Variants in SNX29 observed in about 807,000 individuals in gnomAD.
The protein encoded by SNX29 is sorting nexin 29.
Under a neutral mutation model 102.1 loss-of-function variants are expected in SNX29, and 78 were observed. The ratio of observed to expected loss-of-function variants is 0.76; its 90% confidence interval spans 0.64 to 0.92. The LOEUF (loss-of-function observed/expected upper bound fraction) is 0.92. Among genes scored for constraint, SNX29 ranks in the 40% least tolerant of loss-of-function variants. SNX29 has a pLI of 0.00. For missense variants in SNX29, 1,280 were observed against 1,061.7 expected (o/e 1.21, Z -2.86); for synonymous variants, 580 against 414.5 (o/e 1.40, Z -4.85).
At chr16:12,455,330 C>T (rs1261259220) in intron 18 of SNX29, among the ~76,000 whole-genome samples, 1 of 152,188 alleles carries the variant, frequency 6.6e-6, no homozygotes, top group Non-Finnish European at 1.5e-5. Flanking sequence ...GGGTCTACCC[C>T]ATCAAGGACT....
intron 18 of SNX29, among the ~76,000 whole-genome samples, chr16:12,477,166 T>G (rs2087693134): frequency 1.3e-5 from 2 of 152,198 alleles, no homozygotes; most frequent in Non-Finnish European, 2.9e-5. Flanking sequence ...CCAGTTATGC[T>G]TATCCCATCT....
rs1215162395 is a variant in SNX29, at chr16:12,130,498, AG to A, written c.1595+741del. 9.3e-5 allele frequency among the ~76,000 whole-genome samples: 14 copies of A among 150,702 alleles called. No individual in the cohort carries two copies. The East Asian group carries it at 1.6e-3, about 17-fold the overall frequency. On this transcript the variant is annotated intron_variant, in intron 13 of 20. Coordinates refer to ENST00000566228, the MANE Select transcript of SNX29 (RefSeq NM_032167.5). ...TCAAAAAAAAAAAAAAAAAAAAAAA[AG>A]ATAGCGACTAAAGCAAAAAAAGTGT...
Position 12,058,812 on chromosome 16 carries a change from T to G in SNX29, c.1125-2716T>G, listed in dbSNP as rs1479467851. Among the ~76,000 whole-genome samples the G allele has an allele frequency of 9.5e-4, 139 of 146,040 alleles. 1 individual carries two copies. Among genetic ancestry groups the G allele is most frequent in the South Asian group, 1.6e-3 (7 of 4,270 alleles). On this transcript the variant is annotated intron_variant, in intron 8 of 20. Transcript: ENST00000566228. ...CCCGGCCTGGGTTTTTTTTTTTTTT[T>G]TTTTTTTTTTTTCTCTGTGGCCCAG...
rs567101992 is a variant in SNX29, at chr16:12,572,895, C to G, written c.*4266C>G. On this transcript the variant is annotated 3_prime_UTR_variant, in exon 21 of 21. Coordinates refer to ENST00000566228, the MANE Select transcript of SNX29 (RefSeq NM_032167.5). Reference sequence around the variant, plus strand: ...TTGTCTTGACTCTGCCTTGGCATTTCGCTCGGAATCACGGCAGACTTGGAG... The same window carrying G: ...TTGTCTTGACTCTGCCTTGGCATTTGGCTCGGAATCACGGCAGACTTGGAG... 1.9e-6 allele frequency: 2 copies of G among 1,039,524 alleles called. No homozygotes were observed. Among genetic ancestry groups the G allele is most frequent in the Non-Finnish European group, 2.3e-6 (2 of 856,430 alleles). 64.4% of individuals were successfully genotyped at this position (1,039,524 alleles called of 1,614,324 possible).
At chr16:12,361,819 T>G (rs184988263) in intron 16 of SNX29, among the ~76,000 whole-genome samples, 12 of 152,238 alleles carry the variant, frequency 7.9e-5, no homozygotes, top group Middle Eastern at 3.4e-3. Context: ...AGAAGTTAAG[T>G]AGTAAAAAAG....
chr16:12,369,195 G>C (rs1026204503), intron 16 of SNX29, among the ~76,000 whole-genome samples: 1 of 151,842 alleles, frequency 6.6e-6, no homozygotes, highest in Non-Finnish European at 1.5e-5. Context: ...GAGTGCAGTG[G>C]CTCGATCTCG....
intron 15 of SNX29, among the ~76,000 whole-genome samples, chr16:12,334,956 A>G (rs1486285680): frequency 7.7e-6 from 1 of 130,300 alleles, no homozygotes; most frequent in Non-Finnish European, 1.6e-5. Context: ...GATGTCATAC[A>G]CAAACCTTTG....
intron 15 of SNX29, among the ~76,000 whole-genome samples, chr16:12,310,609 C>A (rs1364325305): frequency 1.3e-5 from 2 of 151,904 alleles, no homozygotes; most frequent in Admixed American, 6.6e-5. Flanking sequence ...GGACAGAAAG[C>A]AGATCACTGG....
intron 18 of SNX29, among the ~76,000 whole-genome samples, chr16:12,449,880 A>G (rs1409587738): frequency 6.6e-6 from 1 of 152,188 alleles, no homozygotes; most frequent in Non-Finnish European, 1.5e-5. Context: ...ATGATTTCTG[A>G]TATGATTTGG....
intron 16 of SNX29, among the ~76,000 whole-genome samples, chr16:12,396,675 C>T (rs1841856624): frequency 6.6e-6 from 1 of 152,144 alleles, no homozygotes; most frequent in Non-Finnish European, 1.5e-5. Flanking sequence ...CTTTCTTTGC[C>T]CTTTTCCATC....
intron 10 of SNX29, among the ~76,000 whole-genome samples, chr16:12,072,123 T>G (rs2051327609): frequency 6.6e-6 from 1 of 152,212 alleles, no homozygotes; most frequent in African/African-American, 2.4e-5. Context: ...ACAGGGACAA[T>G]TTGACTTCCT....
chr16:12,116,224 G>C (rs890398220), intron 11 of SNX29, among the ~76,000 whole-genome samples: 1 of 152,206 alleles, frequency 6.6e-6, no homozygotes, highest in African/African-American at 2.4e-5. Context: ...AGAACTGAAA[G>C]TAGAGACTCA....
chr16:12,342,467 C>G (rs1194657940), intron 15 of SNX29, among the ~76,000 whole-genome samples: 1 of 152,208 alleles, frequency 6.6e-6, no homozygotes, highest in African/African-American at 2.4e-5. Context: ...GTCCCAGATT[C>G]AAGCCCTTAA....
intron 13 of SNX29, among the ~76,000 whole-genome samples, chr16:12,147,417 G>A (rs2055109889): frequency 3.3e-5 from 5 of 152,168 alleles, no homozygotes; most frequent in East Asian, 1.9e-4. Context: ...ACCGGGGAGG[G>A]AAATGCTTTT....
At chr16:12,304,260 C>T (rs866877207) in intron 15 of SNX29, among the ~76,000 whole-genome samples, 5 of 151,130 alleles carry the variant, frequency 3.3e-5, no homozygotes, top group Middle Eastern at 3.4e-3. Context: ...GACCTTGTGG[C>T]ATGTGGTTTT....
intron 14 of SNX29, among the ~76,000 whole-genome samples, chr16:12,263,276 C>T (rs1325018421): frequency 1.3e-5 from 2 of 152,044 alleles, no homozygotes; most frequent in African/African-American, 4.8e-5. Context: ...GTATTATAGC[C>T]ACCAACATAG....
chr16:12,408,928 T>C (rs2151536181), intron 18 of SNX29, among the ~76,000 whole-genome samples: 1 of 152,380 alleles, frequency 6.6e-6, no homozygotes, highest in African/African-American at 2.4e-5. Flanking sequence ...GAATTATATT[T>C]GGCACAGAGG....
intron 14 of SNX29, among the ~76,000 whole-genome samples, chr16:12,202,130 T>C (rs987022128): frequency 2.6e-5 from 4 of 152,194 alleles, no homozygotes; most frequent in African/African-American, 9.6e-5. Flanking sequence ...ACTTCTGCAT[T>C]ATTACATTCT....
At chr16:12,355,435 C>T (rs975223023) in intron 15 of SNX29, among the ~76,000 whole-genome samples, 5 of 152,098 alleles carry the variant, frequency 3.3e-5, no homozygotes, top group East Asian at 1.9e-4. Flanking sequence ...AGTCCTGGGG[C>T]GTTGGAGGGG....
Sources: allele counts gnomAD v4.1 joint callset (sites outside exome capture counted in the v4.1 genomes callset), GRCh38; gene constraint gnomAD v4.1.1; transcripts MANE v1.5; gene names NCBI Gene and HGNC (gene_info 2026-07-23, HGNC 2026-07-21).